Variants in SHANK2 observed in about 807,000 individuals in gnomAD.
The protein encoded by SHANK2 is SH3 and multiple ankyrin repeat domains 2.
SHANK2 carries 43 observed loss-of-function variants against 133.7 expected under a neutral mutation model. The ratio of observed to expected loss-of-function variants is 0.32; its 90% confidence interval spans 0.25 to 0.41. SHANK2 has a LOEUF of 0.41. SHANK2 is among the 10% of genes least tolerant of loss of function. SHANK2 has a pLI of 1.00. For synonymous variants in SHANK2, 1,017 were observed against 952.8 expected, an observed-to-expected ratio of 1.07 and a Z score of -1.24; for missense variants, 1,994 against 2,235.8, an observed-to-expected ratio of 0.89 and a Z score of 2.18.
At chr11:70,648,091 C>CG (rs1212289679) in intron 17 of SHANK2, among the ~76,000 whole-genome samples, 1 of 152,214 alleles carries the variant, frequency 6.6e-6, no homozygotes, top group Non-Finnish European at 1.5e-5. Context: ...GAAGGTAGTA[C>CG]GGACACATGC....
In SHANK2 at chr11:70,847,520, C is replaced by T. The variant is rs1229839092; in HGVS notation, c.1175-26838G>A. On this transcript the variant is annotated intron_variant, in intron 11 of 25. Coordinates refer to ENST00000601538, the MANE Select transcript of SHANK2 (RefSeq NM_012309.5). The stretch of plus-strand genomic sequence containing the variant: ...AGATCCCCTGCCAGGGAGGGTGCTG[C>T]CCCCCTACCCAACTCAGAATTTTAA... 6.6e-5 allele frequency among the ~76,000 whole-genome samples: 10 copies of T among 152,176 alleles called. No individual in the cohort carries two copies. The South Asian group carries it at 1.2e-3, about 19-fold the overall frequency.
At chr11:70,805,152 C>T (rs1948132117) in intron 13 of SHANK2, among the ~76,000 whole-genome samples, 1 of 152,156 alleles carries the variant, frequency 6.6e-6, no homozygotes, top group African/African-American at 2.4e-5. Flanking sequence ...GGCTGCCCTA[C>T]AGGAACTGCC....
intron 14 of SHANK2, among the ~76,000 whole-genome samples, chr11:70,782,622 A>C (rs576360486): frequency 6.6e-6 from 1 of 152,362 alleles, no homozygotes; most frequent in Admixed American, 6.5e-5. Context: ...GCACACCTGC[A>C]CCACTGACAA....
rs151293789 is a variant in SHANK2, at chr11:70,524,791, C to T, written c.2062-21860G>A. Among the ~76,000 whole-genome samples, 21 of 152,368 alleles carry T rather than the reference C, an allele frequency of 1.4e-4. No homozygotes were observed. The East Asian group carries it at 3.5e-3, about 25-fold the overall frequency. ...GCCTGCCAGTTCAGTGAGGGTTCTG[C>T]GTCCTCAGTGCTCTGGAACATGTTG... On this transcript the variant is annotated intron_variant, in intron 17 of 25. Coordinates refer to ENST00000601538, the MANE Select transcript of SHANK2 (RefSeq NM_012309.5).
intron 15 of SHANK2, among the ~76,000 whole-genome samples, chr11:70,680,430 G>T (rs1412362017): frequency 2.0e-5 from 3 of 152,068 alleles, no homozygotes. Context: ...GGTTTCTAGT[G>T]GCCACCACGT....
intron 17 of SHANK2, among the ~76,000 whole-genome samples, chr11:70,602,700 T>C (rs1465000942): frequency 3.9e-5 from 6 of 152,246 alleles, no homozygotes; most frequent in Non-Finnish European, 7.3e-5. Flanking sequence ...AAAATCAGTG[T>C]GCTTGATTAC....
chr11:70,618,479 G>T (rs941672009), intron 17 of SHANK2, among the ~76,000 whole-genome samples: 26 of 152,098 alleles, frequency 1.7e-4, no homozygotes, highest in Admixed American at 3.3e-4. Context: ...GAATCCCAGG[G>T]CCACCCCGCC....
At chr11:70,953,201 G>A (rs1283748525) in intron 10 of SHANK2, among the ~76,000 whole-genome samples, 12 of 152,050 alleles carry the variant, frequency 7.9e-5, no homozygotes, top group African/African-American at 2.9e-4. Context: ...GAGGTGTCCG[G>A]GCCATGGGGG....
chr11:71,188,549 T>C lies in SHANK2; in HGVS notation c.-13+36148A>G, dbSNP rs113987489. Among the ~76,000 whole-genome samples, 4,648 of 152,126 alleles carry C rather than the reference T, an allele frequency of 0.031. 107 individuals carry two copies. The highest frequency in any genetic ancestry group is 0.062 in the African/African-American group (2,585 of 41,490). ...ACAGGAATACTGAGTAATTGAAAGG[T>C]GGAAATAAACGAGGCCCCATGAATT... is the stretch of plus-strand genomic sequence containing the variant. On this transcript the variant is annotated intron_variant, in intron 2 of 25. Coordinates refer to ENST00000601538, the MANE Select transcript of SHANK2 (RefSeq NM_012309.5). The surrounding 1 kb of genome is among the most constrained non-coding windows in gnomAD (Gnocchi z 4.6).
intron 17 of SHANK2, among the ~76,000 whole-genome samples, chr11:70,547,796 G>C (rs1476945001): frequency 6.6e-6 from 1 of 152,196 alleles, no homozygotes; most frequent in East Asian, 1.9e-4. Flanking sequence ...AATTAACTCT[G>C]CTAAAGGAAT....
intron 15 of SHANK2, among the ~76,000 whole-genome samples, chr11:70,686,522 C>T (rs1565241430): frequency 1.3e-5 from 2 of 152,140 alleles, no homozygotes; most frequent in African/African-American, 4.8e-5. Context: ...CATCCATCTT[C>T]TCACCTCTCT....
chr11:71,159,971 GAAAA>G (rs34199845), intron 2 of SHANK2, among the ~76,000 whole-genome samples: 3 of 114,084 alleles, frequency 2.6e-5, no homozygotes, highest in Admixed American at 9.7e-5. Context: ...TGGGTGGCAG[GAAAA>G]AAAAAAAAAA....
intron 1 of SHANK2, among the ~76,000 whole-genome samples, chr11:71,235,709 GC>G (rs1565530881): frequency 6.6e-6 from 1 of 152,126 alleles, no homozygotes; most frequent in Non-Finnish European, 1.5e-5. Context: ...ACTTCATGGA[GC>G]AAGGGGAAAA....
At chr11:71,056,861 AAAG>A (rs1950928039) in intron 9 of SHANK2, among the ~76,000 whole-genome samples, 1 of 133,162 alleles carries the variant, frequency 7.5e-6, no homozygotes, top group Admixed American at 6.8e-5. Flanking sequence ...AGAAGAAAGA[AAAG>A]AAAAGAAGAA....
At chr11:70,710,207 C>A (rs1174128718) in intron 14 of SHANK2, among the ~76,000 whole-genome samples, 1 of 152,188 alleles carries the variant, frequency 6.6e-6, no homozygotes, top group Admixed American at 6.5e-5. Flanking sequence ...TCTCCCCACA[C>A]CTGGGGGCTG....
chr11:71,070,037 G>A (rs1338306603), intron 9 of SHANK2, among the ~76,000 whole-genome samples: 1 of 152,206 alleles, frequency 6.6e-6, no homozygotes, highest in Non-Finnish European at 1.5e-5. Flanking sequence ...TGGTGACTCA[G>A]GAAGGAAAGA....
intron 11 of SHANK2, among the ~76,000 whole-genome samples, chr11:70,891,787 G>A (rs1158398528): frequency 6.6e-6 from 1 of 152,110 alleles, no homozygotes; most frequent in Admixed American, 6.5e-5. Context: ...TGACCATGAT[G>A]GACCCTCACC....
At chr11:70,729,583 G>A (rs1442572791) in intron 14 of SHANK2, among the ~76,000 whole-genome samples, 1 of 150,340 alleles carries the variant, frequency 6.7e-6, no homozygotes, top group Non-Finnish European at 1.5e-5. Flanking sequence ...GGAGTGCAGT[G>A]GTGCGATCTC....
At chr11:71,104,207 G>A (rs998365990) in intron 6 of SHANK2, among the ~76,000 whole-genome samples, 19 of 152,162 alleles carry the variant, frequency 1.2e-4, no homozygotes, top group Non-Finnish European at 2.2e-4. Context: ...CAATTTAGGA[G>A]ACAAGAGGAT....
Sources: allele counts gnomAD v4.1 joint callset (sites outside exome capture counted in the v4.1 genomes callset), GRCh38; gene constraint gnomAD v4.1.1; non-coding constraint Gnocchi (gnomAD v3.1); transcripts MANE v1.5; gene names NCBI Gene and HGNC (gene_info 2026-07-23, HGNC 2026-07-21).